METTL13: variants seen among roughly 807,000 people sequenced by gnomAD.
METTL13 encodes methyltransferase 13, eEF1A N-terminus and K55.
Under a neutral mutation model 67.4 loss-of-function variants are expected in METTL13, and 52 were observed. The ratio of observed to expected loss-of-function variants is 0.77; its 90% CI spans 0.62 to 0.97. METTL13 has a LOEUF of 0.97. METTL13 is among the 50% of genes least tolerant of loss of function. The pLI is 0.00. For synonymous variants in METTL13, 354 were observed against 353.6 expected (o/e 1.00, Z -0.01); for missense variants, 825 against 889.6 (o/e 0.93, Z 0.92).
Position 171,788,740 on chromosome 1 carries a change from C to T in METTL13, c.1309+810C>T, listed in dbSNP as rs760471713. On this transcript the variant is annotated intron_variant, in intron 4 of 7. Transcript: ENST00000361735. ...GAAAAGTGAATGCCCCTCACCTCTCCGTCTCCAGTGCATCTTCCCTGTCTG... is the reference window on the plus strand; with the variant it reads ...GAAAAGTGAATGCCCCTCACCTCTCTGTCTCCAGTGCATCTTCCCTGTCTG... 7.5e-4 allele frequency among the ~76,000 whole-genome samples: 114 copies of T among 152,306 alleles called. 1 individual carries two copies. The highest frequency in any genetic ancestry group is 4.6e-4 in the Admixed American group (7 of 15,302).
In METTL13 at chr1:171,784,615, T is replaced by C. The variant is rs992198025; in HGVS notation, c.913+116T>C. 18 of 1,308,772 alleles carry C rather than the reference T, an allele frequency of 1.4e-5. No homozygotes were observed. The African/African-American group carries it at 2.7e-4, about 19-fold the overall frequency. 81.1% of individuals were successfully genotyped at this position (1,308,772 alleles called of 1,614,324 possible). A position where few individuals can be genotyped will look rare whatever the true frequency, so the allele number is the denominator to read the frequency against. On this transcript the variant is annotated intron_variant, in intron 2 of 7. Transcript: ENST00000361735. ...GCTTTGGTGGGATTCTGGACTGTTT[T>C]TTGTCTTGCAGGGGTTTGTACTTCC...
chr1:171,788,714 C>T (rs1043471669), intron 4 of METTL13, among the ~76,000 whole-genome samples: 1 of 152,142 alleles, frequency 6.6e-6, no homozygotes, highest in Non-Finnish European at 1.5e-5. Context: ...ATATAGACCG[C>T]GAAAAGTGAA....
At chr1:171,791,975 A>T (rs1657221557) in intron 5 of METTL13, 42 bp from the exon 6 acceptor site, 1 of 1,605,536 alleles carries the variant, frequency 6.2e-7, no homozygotes, top group Non-Finnish European at 8.5e-7. Context: ...AGAATTTTCC[A>T]GTGAACAGGT....
rs749884051 is a variant in METTL13 at position 171,783,839 on chromosome 1, A to G, written c.253A>G (p.Lys85Glu). ...CATCGACATCAGTGAGGTTGTCATCAAGCAAATGAAGGAATGTAATGCCAC... is the reference window on the plus strand; with the variant it reads ...CATCGACATCAGTGAGGTTGTCATCGAGCAAATGAAGGAATGTAATGCCAC... The part of the protein sequence containing the change: ...VNIDISEVVI[K>E]QMKECNATRR... The change falls in exon 2 of 8, where the codon AAG becomes GAG. Residue 85 changes from lysine (K) to glutamate (E), a missense_variant. Coordinates refer to ENST00000361735, the MANE Select transcript of METTL13 (RefSeq NM_015935.5). 11 of 1,614,086 alleles carry G rather than the reference A, an allele frequency of 6.8e-6. No homozygotes were observed. Among genetic ancestry groups the G allele is most frequent in the Non-Finnish European group, 8.5e-7 (1 of 1,180,044 alleles).
chr1:171,795,895 C>T (rs995636311), intron 7 of METTL13, among the ~76,000 whole-genome samples: 5 of 152,158 alleles, frequency 3.3e-5, no homozygotes, highest in African/African-American at 1.2e-4. Context: ...CTCATTCCGT[C>T]ACCCAGGCTG....
At chr1:171,785,501 T>C (rs988416241) in intron 2 of METTL13, among the ~76,000 whole-genome samples, 4 of 152,254 alleles carry the variant, frequency 2.6e-5, no homozygotes, top group East Asian at 3.8e-4. Flanking sequence ...TTTCCTCATA[T>C]GTAAAAATGG....
At chr1:171,788,781 A>T (rs17650340) in intron 4 of METTL13, among the ~76,000 whole-genome samples, 29,213 of 152,180 alleles carry the variant, frequency 0.19, 2,954 homozygotes, top group African/African-American at 0.23. Flanking sequence ...CAGAGATTCA[A>T]GGATGGAAGC....
At chr1:171,795,186 A>G (rs1433871677) in intron 7 of METTL13, among the ~76,000 whole-genome samples, 3 of 152,182 alleles carry the variant, frequency 2.0e-5, no homozygotes, top group Admixed American at 6.5e-5. Flanking sequence ...AGACTCATTC[A>G]CAGTGTTGTG....
intron 7 of METTL13, 146 bp downstream of exon 7, chr1:171,794,673 T>A: frequency 8.4e-7 from 1 of 1,185,454 alleles, no homozygotes; most frequent in East Asian, 2.6e-5. Context: ...CACAGAAAAT[T>A]TCCAGCTTGC....
chr1:171,786,247 C>G (rs994232275), intron 3 of METTL13, among the ~76,000 whole-genome samples, 169 bp downstream of exon 3: 1 of 152,170 alleles, frequency 6.6e-6, no homozygotes, highest in Non-Finnish European at 1.5e-5. Context: ...TCCTTTGCCC[C>G]AGGCAATGAG....
Position 171,797,708 on chromosome 1 carries a change from A to T in METTL13, c.*952A>T, listed in dbSNP as rs925619900. 1.9e-4 allele frequency: 29 copies of T among 152,226 alleles called. No individual in the cohort carries two copies. The highest frequency in any genetic ancestry group is 2.9e-5 in the Non-Finnish European group (2 of 68,032). The allele number at this position is 152,226 out of a possible 1,614,324, so 9.4% of individuals were successfully genotyped here. A position where few individuals can be genotyped will look rare whatever the true frequency, so the allele number is the denominator to read the frequency against. On this transcript the variant is annotated 3_prime_UTR_variant, in exon 8 of 8. Coordinates refer to ENST00000361735, the MANE Select transcript of METTL13 (RefSeq NM_015935.5). ...TTTATTCAGAACCATTAAACCAATG[A>T]TTCCAAGACTGGCTTGAATTTTGTC... is the stretch of plus-strand genomic sequence containing the variant.
chr1:171,783,620 G>A, intron 1 of METTL13, 120 bp from the exon 2 acceptor site: 1 of 1,160,340 alleles, frequency 8.6e-7, no homozygotes, highest in Non-Finnish European at 1.2e-6. Context: ...TTCTCTGGCA[G>A]TAGCGTCTCC....
chr1:171,796,623 C>G lies in METTL13; in HGVS notation c.1967C>G (p.Pro656Arg), dbSNP rs199878964. 5 of 1,614,196 alleles carry G rather than the reference C, an allele frequency of 3.1e-6. No individual in the cohort carries two copies. In the African/African-American group the frequency reaches 4.0e-5, roughly 13 times the overall value. Reference sequence around the variant, plus strand: ...GAGATCCTGTTCTGTCAGCTGCACCCTGAGCAAAAACTTGCCACACCAGAG... The same window carrying G: ...GAGATCCTGTTCTGTCAGCTGCACCGTGAGCAAAAACTTGCCACACCAGAG... ...VNEILFCQLH[P>R]EQKLATPELL... Residue 656 changes from proline to arginine, a missense_variant, in exon 8 of 8, where the codon CCT (proline) becomes CGT (arginine). Pro to Arg is a moderately radical substitution (Grantham distance 103). Coordinates refer to ENST00000361735, the MANE Select transcript of METTL13 (RefSeq NM_015935.5).
intron 3 of METTL13, 66 bp from the exon 4 acceptor site, chr1:171,787,669 G>C: frequency 4.9e-6 from 7 of 1,440,966 alleles, no homozygotes; most frequent in Non-Finnish European, 4.8e-6. Flanking sequence ...AAAGGGAAGG[G>C]GTTATAATTT....
At chr1:171,785,853 C>T (rs766709359) in intron 2 of METTL13, 26 bp from the exon 3 acceptor site, 2 of 1,608,578 alleles carry the variant, frequency 1.2e-6, no homozygotes, top group East Asian at 2.2e-5. Flanking sequence ...TTCCAGGACT[C>T]CCTGTAACCA....
chr1:171,796,793 C>T lies in METTL13; in HGVS notation c.*37C>T, dbSNP rs377610172. 3.8e-6 allele frequency: 6 copies of T among 1,597,002 alleles called. No homozygotes were observed. The highest frequency in any genetic ancestry group is 4.3e-6 in the Non-Finnish European group (5 of 1,170,466). On this transcript the variant is annotated 3_prime_UTR_variant, in exon 8 of 8. Transcript: ENST00000361735. ...AAGCAGCCCTCCTGCCTAGACTGAC[C>T]TTGGACTCCCAGCCTGCCAGAGAAT...
intron 4 of METTL13, 148 bp from the exon 5 acceptor site, chr1:171,790,304 A>T: frequency 1.5e-6 from 1 of 688,456 alleles, no homozygotes; most frequent in East Asian, 3.3e-5. Context: ...GGCCAGTTTC[A>T]AGCTATCAAC....
At position 171,792,036 on chromosome 1, in the gene METTL13, G is replaced by T; in HGVS notation, c.1494G>T (p.Leu498Phe). The change falls in exon 6 of 8, where the codon TTG becomes TTT. Residue 498 changes from leucine to phenylalanine, a missense_variant. Leu to Phe is a conservative substitution (Grantham distance 22, BLOSUM62 0). Coordinates refer to ENST00000361735, the MANE Select transcript of METTL13 (RefSeq NM_015935.5). ...TTACAGAGATCCCACTGGCATTGTT[G>T]GTGGTAGGCCTGGGCGGGGGCAGCC... ...ELLLEIPLALLVVGLGGGSLP... is the reference protein window; with the variant it reads ...ELLLEIPLALFVVGLGGGSLP... 6.2e-7 allele frequency: 1 copy of T among 1,612,704 alleles called. No individual in the cohort carries two copies. The highest frequency in any genetic ancestry group is 8.5e-7 in the Non-Finnish European group (1 of 1,180,018).
intron 6 of METTL13, among the ~76,000 whole-genome samples, chr1:171,793,014 T>C (rs1279375198): frequency 6.6e-6 from 1 of 152,226 alleles, no homozygotes; most frequent in Non-Finnish European, 1.5e-5. Flanking sequence ...ACTCTGCTAT[T>C]ATACAGATAG....
Sources: gnomAD v4.1 joint callset for allele counts (sites outside exome capture counted in the v4.1 genomes callset) on GRCh38, gnomAD v4.1.1 for gene constraint, MANE v1.5 for transcripts, NCBI Gene and HGNC (gene_info 2026-07-23, HGNC 2026-07-21) for gene names.